FOXN3: variants seen among roughly 807,000 people sequenced by gnomAD.
The protein encoded by FOXN3 is forkhead box N3, also known as forkhead box protein N3.
A neutral mutation model predicts 38.4 loss-of-function variants in FOXN3; 7 were observed. That is an observed-to-expected ratio of 0.18 (90% confidence interval 0.10 to 0.34). FOXN3 has a LOEUF of 0.34. Ranked by LOEUF, FOXN3 falls within the 10% of genes least tolerant of loss-of-function variation. The pLI is 1.00. For synonymous variants in FOXN3, 230 were observed against 242.2 expected, an observed-to-expected ratio of 0.95 and a Z score of 0.47; for missense variants, 456 against 613.4, an observed-to-expected ratio of 0.74 and a Z score of 2.71.
At chr14:89,485,947 A>ATTC (rs1461920268) in intron 1 of FOXN3, among the ~76,000 whole-genome samples, 1 of 152,060 alleles carries the variant, frequency 6.6e-6, no homozygotes, top group Non-Finnish European at 1.5e-5. Context: ...TGGTCCATGA[A>ATTC]TTCTTCCCTA....
At chr14:89,496,154 A>G (rs1893677973) in intron 1 of FOXN3, among the ~76,000 whole-genome samples, 1 of 152,184 alleles carries the variant, frequency 6.6e-6, no homozygotes, top group East Asian at 1.9e-4. Flanking sequence ...CGGAGGTTGC[A>G]GTGAGCTGAG....
At chr14:89,276,563 C>G (rs187121448) in intron 4 of FOXN3, among the ~76,000 whole-genome samples, 1 of 152,076 alleles carries the variant, frequency 6.6e-6, no homozygotes, top group African/African-American at 2.4e-5. Flanking sequence ...CCAAGAAGGG[C>G]TAGGACTCGT....
At chr14:89,431,801 A>C (rs1043816356) in intron 1 of FOXN3, among the ~76,000 whole-genome samples, 38 of 151,526 alleles carry the variant, frequency 2.5e-4, no homozygotes, top group African/African-American at 7.5e-4. Context: ...TGCAACCTCC[A>C]CCTCCTGGGT....
At chr14:89,585,793 G>C (rs1895830061) in intron 1 of FOXN3, among the ~76,000 whole-genome samples, 2 of 150,236 alleles carry the variant, frequency 1.3e-5, no homozygotes, top group South Asian at 4.2e-4. Flanking sequence ...AAGAAAGAAA[G>C]AAAGAAAAAT....
intron 2 of FOXN3, among the ~76,000 whole-genome samples, chr14:89,355,917 G>A (rs1383777805): frequency 2.6e-5 from 4 of 152,074 alleles, no homozygotes; most frequent in Non-Finnish European, 4.4e-5. Flanking sequence ...CCTAAAGAAC[G>A]GGGATAAGGA....
At chr14:89,179,380 C>G (rs61985199) in intron 5 of FOXN3, among the ~76,000 whole-genome samples, 60 of 152,288 alleles carry the variant, frequency 3.9e-4, no homozygotes, top group Admixed American at 7.2e-4. Context: ...GACCTTGCTT[C>G]TCCCTCAGGC....
chr14:89,324,633 C>T (rs1245863642), intron 3 of FOXN3, among the ~76,000 whole-genome samples: 1 of 152,138 alleles, frequency 6.6e-6, no homozygotes, highest in Non-Finnish European at 1.5e-5. Flanking sequence ...AGCGTTTCAT[C>T]CTAAGATGAC....
At chr14:89,326,168 C>G (rs1566957161) in intron 3 of FOXN3, among the ~76,000 whole-genome samples, 1 of 152,202 alleles carries the variant, frequency 6.6e-6, no homozygotes, top group Non-Finnish European at 1.5e-5. Flanking sequence ...AACAAACCTA[C>G]CATGTCCCTG....
chr14:89,194,845 A>G lies in FOXN3; in HGVS notation c.746-14039T>C, dbSNP rs917621087. On this transcript the variant is annotated intron_variant, in intron 4 of 5. Coordinates refer to ENST00000557258, the MANE Select transcript of FOXN3 (RefSeq NM_005197.4). ...TATGTGAAAATAAGCATATATGTAC[A>G]TATTCATTGAAAAACTAAGACACAC... Among the ~76,000 whole-genome samples the G allele has an allele frequency of 3.9e-5, 6 of 152,230 alleles. No individual in the cohort carries two copies. In the East Asian group the frequency reaches 1.2e-3, roughly 29 times the overall value.
At chr14:89,210,771 T>C (rs956838391) in intron 4 of FOXN3, among the ~76,000 whole-genome samples, 1 of 152,228 alleles carries the variant, frequency 6.6e-6, no homozygotes, top group African/African-American at 2.4e-5. Context: ...AGAGGTGCTA[T>C]CGAGTCAGCC....
At position 89,183,281 on chromosome 14, in the gene FOXN3, A is replaced by T. The variant is rs565775218; in HGVS notation, c.746-2475T>A. Among the ~76,000 whole-genome samples, 26 of 152,336 alleles carry T rather than the reference A, an allele frequency of 1.7e-4. No individual in the cohort carries two copies. The South Asian group carries it at 5.4e-3, about 32-fold the overall frequency. On this transcript the variant is annotated intron_variant, in intron 4 of 5. Transcript: ENST00000557258. ...GGGATCTCAGGTAGAGCAACAACTTAGTCTGATATAATGAACCATGCTGAT... is the reference window on the plus strand; with the variant it reads ...GGGATCTCAGGTAGAGCAACAACTTTGTCTGATATAATGAACCATGCTGAT...
At chr14:89,205,816 G>T (rs183355086) in intron 4 of FOXN3, among the ~76,000 whole-genome samples, 11 of 152,332 alleles carry the variant, frequency 7.2e-5, no homozygotes, top group Admixed American at 6.5e-4. Context: ...TGAGGTCAGG[G>T]GCCAAAAACG....
intron 2 of FOXN3, among the ~76,000 whole-genome samples, chr14:89,390,359 A>G (rs1420874527): frequency 6.8e-6 from 1 of 147,620 alleles, no homozygotes; most frequent in Non-Finnish European, 1.5e-5. Flanking sequence ...TGTATAAATA[A>G]TATAATTTAA....
intron 2 of FOXN3, among the ~76,000 whole-genome samples, chr14:89,357,096 A>T (rs1889260076): frequency 6.6e-6 from 1 of 152,170 alleles, no homozygotes; most frequent in African/African-American, 2.4e-5. Flanking sequence ...CACACCTGTA[A>T]TCCCAGCACT....
chr14:89,271,809 A>T (rs765604877), intron 4 of FOXN3, among the ~76,000 whole-genome samples: 1 of 152,224 alleles, frequency 6.6e-6, no homozygotes, highest in African/African-American at 2.4e-5. Flanking sequence ...ACGTAACAGG[A>T]TTCTCCCTCA....
intron 1 of FOXN3, among the ~76,000 whole-genome samples, chr14:89,568,862 G>C (rs1413833752): frequency 1.3e-5 from 2 of 152,216 alleles, no homozygotes; most frequent in African/African-American, 2.4e-5. Context: ...ATCATGGATG[G>C]TTTGGCCCTT....
intron 1 of FOXN3, among the ~76,000 whole-genome samples, chr14:89,564,923 T>C (rs1418945137): frequency 1.3e-5 from 2 of 151,704 alleles, no homozygotes; most frequent in Admixed American, 6.6e-5. Flanking sequence ...CAAGACCCCC[T>C]GTCTCTACTA....
chr14:89,341,183 T>A (rs1193366744), intron 3 of FOXN3, among the ~76,000 whole-genome samples: 1 of 152,210 alleles, frequency 6.6e-6, no homozygotes, highest in Non-Finnish European at 1.5e-5. Context: ...TAGCTCATTC[T>A]ACCTTCATCC....
intron 4 of FOXN3, among the ~76,000 whole-genome samples, chr14:89,188,585 T>C (rs1887867649): frequency 6.6e-6 from 1 of 152,186 alleles, no homozygotes; most frequent in Admixed American, 6.5e-5. Context: ...CCATATAGCC[T>C]CTTCTAGCAG....
Sources: allele counts gnomAD v4.1 joint callset (sites outside exome capture counted in the v4.1 genomes callset), GRCh38; gene constraint gnomAD v4.1.1; transcripts MANE v1.5; gene names NCBI Gene and HGNC (gene_info 2026-07-23, HGNC 2026-07-21).